The following RAB11FIP4 variants were observed in gnomAD, a reference collection of about 807,000 sequenced individuals.
The protein encoded by RAB11FIP4 is rab11 family-interacting protein 4.
RAB11FIP4 carries 23 observed loss-of-function variants against 74.3 expected under a neutral mutation model. That is an observed-to-expected ratio of 0.31 (90% CI 0.22 to 0.44). The LOEUF (loss-of-function observed/expected upper bound fraction) is 0.44, where lower values mean the gene tolerates loss of function less well. Ranked by LOEUF, RAB11FIP4 falls within the 20% of genes least tolerant of loss-of-function variation. The pLI, the probability that RAB11FIP4 is intolerant of heterozygous loss-of-function variation, is 1.00. For missense variants in RAB11FIP4, 630 were observed against 863.9 expected (o/e 0.73, Z 3.39); for synonymous variants, 360 against 359.9 (o/e 1.00, Z 0.00).
chr17:31,521,695 C>G (rs1431147216), intron 5 of RAB11FIP4, among the ~76,000 whole-genome samples: 1 of 152,138 alleles, frequency 6.6e-6, no homozygotes, highest in African/African-American at 2.4e-5. Context: ...CTGAAATGAG[C>G]TCGCAGTTTG....
chr17:31,432,541 G>A (rs2071321161), intron 2 of RAB11FIP4, among the ~76,000 whole-genome samples: 1 of 152,018 alleles, frequency 6.6e-6, no homozygotes, highest in South Asian at 2.1e-4. Flanking sequence ...TGTATTTTAA[G>A]TAGAGATGGA....
At chr17:31,471,851 T>G (rs1340668794) in intron 3 of RAB11FIP4, among the ~76,000 whole-genome samples, 1 of 152,084 alleles carries the variant, frequency 6.6e-6, no homozygotes, top group Non-Finnish European at 1.5e-5. Context: ...GGAGGCGCCC[T>G]GGCTGAAGCC....
intron 3 of RAB11FIP4, among the ~76,000 whole-genome samples, chr17:31,508,455 G>A (rs2072394208): frequency 6.6e-6 from 1 of 152,224 alleles, no homozygotes; most frequent in South Asian, 2.1e-4. Flanking sequence ...TCTGTCAGCA[G>A]GCTTCTGGGA....
intron 3 of RAB11FIP4, among the ~76,000 whole-genome samples, chr17:31,441,430 A>G (rs992299736): frequency 2.6e-5 from 4 of 151,990 alleles, no homozygotes; most frequent in African/African-American, 9.7e-5. Context: ...TTGCTATGAT[A>G]TTTTATAACT....
At position 31,391,872 on chromosome 17, in the gene RAB11FIP4, G is replaced by T. The variant is rs2070874398; in HGVS notation, c.20G>T (p.Trp7Leu). 2.6e-6 allele frequency: 3 copies of T among 1,173,592 alleles called. No homozygotes were observed. Among genetic ancestry groups the T allele is most frequent in the Non-Finnish European group, 3.1e-6 (3 of 953,876 alleles). 72.7% of individuals were successfully genotyped at this position (1,173,592 alleles called of 1,614,324 possible). The change falls in exon 1 of 15, where the codon TGG (tryptophan) becomes TTG (leucine). Residue 7 changes from tryptophan to leucine, a missense_variant. By Grantham distance (61) the Trp-to-Leu change is moderately conservative. Transcript: ENST00000621161. MAGGAG[W>L]SGAPAALLRS... ...GCCCGGATGGCGGGCGGCGCGGGCTGGTCGGGCGCCCCCGCGGCTCTGCTG... is the reference window on the plus strand; with the variant it reads ...GCCCGGATGGCGGGCGGCGCGGGCTTGTCGGGCGCCCCCGCGGCTCTGCTG...
In RAB11FIP4 at chr17:31,505,452, A is replaced by T. The variant is rs1473579406; in HGVS notation, c.337-12199A>T. On this transcript the variant is annotated intron_variant, in intron 3 of 14. Transcript: ENST00000621161. The stretch of plus-strand genomic sequence containing the variant: ...ATATAATTATTATATAATATATAAT[A>T]ATTATTATAACATATAATAATAATT... Among the ~76,000 whole-genome samples, 5 of 97,698 alleles carry T rather than the reference A, an allele frequency of 5.1e-5. No homozygotes were observed. In the South Asian group the frequency reaches 7.9e-4, roughly 15 times the overall value. The allele number at this position is 97,698 out of a possible 152,430, so 64.1% of individuals were successfully genotyped here.
intron 1 of RAB11FIP4, among the ~76,000 whole-genome samples, chr17:31,400,871 G>A (rs2070978595): frequency 6.6e-6 from 1 of 152,160 alleles, no homozygotes; most frequent in Non-Finnish European, 1.5e-5. Context: ...GCACATCCTG[G>A]GCTCTTTCTC....
chr17:31,443,996 T>G (rs2071428231), intron 3 of RAB11FIP4, among the ~76,000 whole-genome samples: 1 of 152,204 alleles, frequency 6.6e-6, no homozygotes, highest in Non-Finnish European at 1.5e-5. Context: ...TTGCTCATAT[T>G]CAGAAGGGGC....
chr17:31,470,355 C>T (rs1392813937), intron 3 of RAB11FIP4, among the ~76,000 whole-genome samples: 1 of 152,164 alleles, frequency 6.6e-6, no homozygotes, highest in Non-Finnish European at 1.5e-5. Context: ...CACATTTCTT[C>T]CTGGAAGGGT....
chr17:31,410,623 G>A (rs916309092), intron 1 of RAB11FIP4, among the ~76,000 whole-genome samples: 3 of 152,138 alleles, frequency 2.0e-5, no homozygotes, highest in African/African-American at 7.2e-5. Flanking sequence ...GGGGCTGAAG[G>A]GGGCGGGGGC....
chr17:31,524,250 A>G, intron 9 of RAB11FIP4: 1 of 467,242 alleles, frequency 2.1e-6, no homozygotes, highest in Non-Finnish European at 3.9e-6. Flanking sequence ...CTGAAGCCAC[A>G]GGGCTGGTCC....
In RAB11FIP4 at chr17:31,445,527, C is replaced by CA. The variant is rs1410884729; in HGVS notation, c.336+11407dup. Among the ~76,000 whole-genome samples the CA allele has an allele frequency of 7.1e-3, 732 of 103,490 alleles. 25 individuals carry two copies. The highest frequency in any genetic ancestry group is 9.9e-3 in the Non-Finnish European group (528 of 53,562). The allele number at this position is 103,490 out of a possible 152,430, so 67.9% of individuals were successfully genotyped here. The stretch of plus-strand genomic sequence containing the variant: ...TGTAAAATCTACATTCAAATTTTCC[C>CA]AATTTTATATATATATATATATATA... On this transcript the variant is annotated intron_variant, in intron 3 of 14. Transcript: ENST00000621161.
Position 31,431,842 on chromosome 17 carries a change from C to T in RAB11FIP4, c.189C>T (p.Pro63=). 6.2e-7 allele frequency: 1 copy of T among 1,613,426 alleles called. No individual in the cohort carries two copies. Among genetic ancestry groups the T allele is most frequent in the Non-Finnish European group, 8.5e-7 (1 of 1,179,624 alleles). The change falls in exon 2 of 15, where the codon CCC becomes CCT. Residue 63 remains proline, a synonymous_variant. Transcript: ENST00000621161. ...EVEKLVKYLD[P]NDLGRINFKD... ...AAAAACTTGTGAAATATTTGGATCCCAACGACCTGGGGAGAATCAACTTCA... is the reference window on the plus strand; with the variant it reads ...AAAAACTTGTGAAATATTTGGATCCTAACGACCTGGGGAGAATCAACTTCA...
rs146422970 is a variant in RAB11FIP4 at position 31,532,491 on chromosome 17, A to G, written c.*759A>G. On this transcript the variant is annotated 3_prime_UTR_variant, in exon 15 of 15. Coordinates refer to ENST00000621161, the MANE Select transcript of RAB11FIP4 (RefSeq NM_032932.6). ...ACAATGAAGCAGCATTCACTGCGTCATTGTAACATGAAGGGATAAAAATGA... is the reference window on the plus strand; with the variant it reads ...ACAATGAAGCAGCATTCACTGCGTCGTTGTAACATGAAGGGATAAAAATGA... 7.4e-3 allele frequency: 1,131 copies of G among 152,772 alleles called. 10 individuals are homozygous for G. Among genetic ancestry groups the G allele is most frequent in the Non-Finnish European group, 0.012 (835 of 68,020 alleles). 9.5% of individuals were successfully genotyped at this position (152,772 alleles called of 1,614,324 possible).
rs60955293 is a variant in RAB11FIP4, at chr17:31,463,803, C to CTTTTTTTTTTTT, written c.336+29698_336+29709dup. Reference sequence around the variant, plus strand: ...ACAGGTGTGAGCCACTGCGCCTGGACTTTTTTTTTTTTTTTTTTTTTTTTT... The same window carrying CTTTTTTTTTTTT: ...ACAGGTGTGAGCCACTGCGCCTGGACTTTTTTTTTTTTTTTTTTTTTTTTTTTTTTTTTTTTT... On this transcript the variant is annotated intron_variant, in intron 3 of 14. Transcript: ENST00000621161. Among the ~76,000 whole-genome samples the CTTTTTTTTTTTT allele has an allele frequency of 1.7e-3, 57 of 32,842 alleles. 23 individuals carry two copies. Among genetic ancestry groups the CTTTTTTTTTTTT allele is most frequent in the Admixed American group, 4.8e-3 (8 of 1,654 alleles). 21.5% of individuals were successfully genotyped at this position (32,842 alleles called of 152,430 possible). A position where few individuals can be genotyped will look rare whatever the true frequency, so the allele number is the denominator to read the frequency against.
At chr17:31,495,431 G>A (rs969294795) in intron 3 of RAB11FIP4, among the ~76,000 whole-genome samples, 4 of 146,840 alleles carry the variant, frequency 2.7e-5, no homozygotes, top group Non-Finnish European at 5.9e-5. Flanking sequence ...CTAGAGTGCA[G>A]CGATACAATC....
intron 3 of RAB11FIP4, among the ~76,000 whole-genome samples, chr17:31,471,276 G>T (rs1167432978): frequency 6.6e-6 from 1 of 151,156 alleles, no homozygotes; most frequent in Non-Finnish European, 1.5e-5. Context: ...TGTTGTCAAG[G>T]CTGGTCTCAA....
intron 3 of RAB11FIP4, chr17:31,465,424 G>C (rs2071674735): frequency 6.6e-6 from 1 of 151,026 alleles, no homozygotes; most frequent in Admixed American, 6.6e-5. Context: ...AGAGCTCCAG[G>C]CCTATGCTCC....
chr17:31,471,740 C>A (rs1434251551), intron 3 of RAB11FIP4, among the ~76,000 whole-genome samples: 5 of 152,186 alleles, frequency 3.3e-5, no homozygotes, highest in African/African-American at 1.2e-4. Flanking sequence ...AAGGCCCCCA[C>A]CCTGCTGCTG....
Sources: allele counts gnomAD v4.1 joint callset (sites outside exome capture counted in the v4.1 genomes callset), GRCh38; gene constraint gnomAD v4.1.1; transcripts MANE v1.5; gene names NCBI Gene and HGNC (gene_info 2026-07-23, HGNC 2026-07-21).